TTN: variants seen among roughly 807,000 people sequenced by gnomAD.
TTN encodes the protein connectin.
Under a neutral mutation model 3,223.0 loss-of-function variants are expected in TTN, and 1,525 were observed. The observed-to-expected ratio is 0.47, with a 90% confidence interval of 0.45 to 0.49. The LOEUF is 0.49. Among genes scored for constraint, TTN ranks in the 20% least tolerant of loss-of-function variants. The pLI is 0.00. For missense variants in TTN, 40,786 were observed against 43,424.0 expected, an observed-to-expected ratio of 0.94 and a Z score of 5.40; for synonymous variants, 14,094 against 15,161.0, an observed-to-expected ratio of 0.93 and a Z score of 5.17.
At chr2:178,707,468 C>A in intron 100 of TTN, 58 bp downstream of exon 100, 3 of 1,492,666 alleles carry the variant, frequency 2.0e-6, no homozygotes, top group East Asian at 2.3e-5. Flanking sequence ...TCATAATAAG[C>A]AAATAAACAT....
chr2:178,576,534 G>GCAT lies in TTN; in HGVS notation c.69707_69709dup (p.Asp23236dup). 1.9e-6 allele frequency: 3 copies of GCAT among 1,612,636 alleles called. No homozygotes were observed. In the East Asian group the frequency reaches 6.7e-5, roughly 36 times the overall value. ...TGAAAAAGACAAATACTAACATGCT[G>GCAT]CATCTTTCATCAGAACAGAATCTGA... On this transcript the variant is annotated inframe_insertion, in exon 325 of 363. Coordinates refer to ENST00000589042, the MANE Select transcript of TTN (RefSeq NM_001267550.2). This position sits in a 1 kb window ranked among gnomAD's most constrained non-coding sequence, Gnocchi z 4.3.
At chr2:178,749,225 T>C (rs1346255240) in intron 47 of TTN, 1 of 1,611,602 alleles carries the variant, frequency 6.2e-7, no homozygotes, top group South Asian at 1.1e-5. Flanking sequence ...TATTTCTTTC[T>C]TAATAGTGAC....
Position 178,589,937 on chromosome 2 carries a change from A to G in TTN, c.61788T>C (p.Asn20596=), listed in dbSNP as rs878912832. The part of the protein sequence containing the change: ...CTISWENPLD[N]GGSEITNFIV... ...TGAAGTTTGTTATTTCTGAGCCACC[A>G]TTATCTAGTGGGTTTTCCCAAGAAA... Residue 20596 remains asparagine, a synonymous_variant, in exon 304 of 363, where the codon AAT becomes AAC. Coordinates refer to ENST00000589042, the MANE Select transcript of TTN (RefSeq NM_001267550.2). 7 of 1,613,034 alleles carry G rather than the reference A, an allele frequency of 4.3e-6. No homozygotes were observed. Among genetic ancestry groups the G allele is most frequent in the Non-Finnish European group, 5.9e-6 (7 of 1,179,510 alleles).
chr2:178,532,039 C>A lies in TTN; in HGVS notation c.104576G>T (p.Arg34859Leu). ...ELMRPVSELI[R>L]SRPQPAEEYE... The stretch of plus-strand genomic sequence containing the variant: ...TTCCTCAGCCGGTTGTGGACGTGAC[C>A]GGATCAGCTCAGACACTGGCCTCAT... Residue 34859 changes from arginine (R) to leucine (L), a missense_variant, in exon 358 of 363, where the codon CGG becomes CTG. By Grantham distance (102) the Arg-to-Leu change is moderately radical (BLOSUM62 -2). Coordinates refer to ENST00000589042, the MANE Select transcript of TTN (RefSeq NM_001267550.2). The A allele has an allele frequency of 1.9e-6, 3 of 1,613,820 alleles. No individual in the cohort carries two copies. The highest frequency in any genetic ancestry group is 2.5e-6 in the Non-Finnish European group (3 of 1,179,852).
chr2:178,744,003 T>C (rs2154321504), intron 47 of TTN, among the ~76,000 whole-genome samples: 1 of 152,024 alleles, frequency 6.6e-6, no homozygotes, highest in Non-Finnish European at 1.5e-5. Context: ...ATTGTCTCTA[T>C]TGCTTCTTTA....
At position 178,715,856 on chromosome 2, in the gene TTN, T is replaced by C. The variant is rs2562834; in HGVS notation, c.25640-82A>G. 0.2 allele frequency: 275,477 copies of C among 1,388,512 alleles called. 31,957 individuals are homozygous for C. The highest frequency in any genetic ancestry group is 0.63 in the East Asian group (25,226 of 39,910). 86.0% of individuals were successfully genotyped at this position (1,388,512 alleles called of 1,614,324 possible). A position where few individuals can be genotyped will look rare whatever the true frequency, so the allele number is the denominator to read the frequency against. ...AAGATGAGGTGGAAAAAATAATCTT[T>C]GCTAGAGAGGTCTTTAGCTCTGGAA... On this transcript the variant is annotated intron_variant, in intron 88 of 362. Transcript: ENST00000589042.
In TTN at chr2:178,537,701, C is replaced by G. The variant is rs1692241113; in HGVS notation, c.99506G>C (p.Gly33169Ala). The G allele has an allele frequency of 1.2e-6, 2 of 1,613,670 alleles. No homozygotes were observed. The highest frequency in any genetic ancestry group is 1.7e-6 in the Non-Finnish European group (2 of 1,179,778). The change falls in exon 355 of 363, where the codon GGT (glycine) becomes GCT (alanine). Residue 33169 changes from glycine (G) to alanine (A), a missense_variant. Coordinates refer to ENST00000589042, the MANE Select transcript of TTN (RefSeq NM_001267550.2). ...TVMTEEQEDE[G>A]VYTCIATNEV... ...ATTGGTGGCTATGCAGGTATAAACA[C>G]CTTCATCTTCCTGTTCCTCTGTCAT...
At chr2:178,750,276 T>G (rs1169612473) in intron 47 of TTN, 1 of 1,613,236 alleles carries the variant, frequency 6.2e-7, no homozygotes, top group Non-Finnish European at 8.5e-7. Flanking sequence ...TTATGTGCTT[T>G]GACATCATGT....
intron 157 of TTN, among the ~76,000 whole-genome samples, 172 bp from the exon 158 acceptor site, chr2:178,669,847 C>A (rs1055900024): frequency 4.6e-5 from 7 of 151,974 alleles, no homozygotes; most frequent in East Asian, 1.9e-4. Flanking sequence ...TCGATGAGTT[C>A]TTGATTCATT....
At position 178,580,378 on chromosome 2, in the gene TTN, A is replaced by G. The variant is rs758106978; in HGVS notation, c.67001T>C (p.Leu22334Ser). The change falls in exon 317 of 363, where the codon TTA becomes TCA. Residue 22334 changes from leucine (L) to serine (S), a missense_variant. Transcript: ENST00000589042. Reference sequence around the variant, plus strand: ...TTTACCACAGCTGTTCTCCAGGGTTAAGATATATTTTCCTGCATCATATTT... The same window carrying G: ...TTTACCACAGCTGTTCTCCAGGGTTGAGATATATTTTCCTGCATCATATTT... The part of the protein sequence containing the change: ...VNKYDAGKYI[L>S]TLENSCGKKE... 3.7e-6 allele frequency: 6 copies of G among 1,613,144 alleles called. No homozygotes were observed. In the East Asian group the frequency reaches 1.3e-4, roughly 36 times the overall value.
chr2:178,551,346 T>A, intron 335 of TTN, 86 bp from the exon 336 acceptor site: 3 of 1,030,558 alleles, frequency 2.9e-6, no homozygotes, highest in Non-Finnish European at 3.8e-6. Context: ...AATTATTCTA[T>A]AATTTTAATA....
In TTN at chr2:178,533,745, T is replaced by C. The variant is rs1575269533; in HGVS notation, c.102870A>G (p.Thr34290=). The change falls in exon 358 of 363, where the codon ACA becomes ACG. Residue 34290 remains threonine, a synonymous_variant. Transcript: ENST00000589042. ...TGATTTTCTGACCTGATTTATACCATGTTACATGAGGCTCTGGGTGGACAG... is the reference window on the plus strand; with the variant it reads ...TGATTTTCTGACCTGATTTATACCACGTTACATGAGGCTCTGGGTGGACAG... ...TITVHPEPHV[T]WYKSGQKIKP... 6.2e-7 allele frequency: 1 copy of C among 1,613,972 alleles called. No individual in the cohort carries two copies. Among genetic ancestry groups the C allele is most frequent in the Middle Eastern group, 1.6e-4 (1 of 6,062 alleles).
chr2:178,568,050 C>A lies in TTN; in HGVS notation c.78082G>T (p.Glu26028Ter). The change falls in exon 326 of 363, where the codon GAG (glutamate) becomes TAG (stop). Residue 26028 changes from glutamate (E) to a stop codon, truncating the protein, a stop_gained. Transcript: ENST00000589042. LOFTEE classifies it high-confidence loss of function. ...AAAATACTGTTTCTTTCTTTTCTCTCCAGGTGGTAACCTATGACGGGGCTT... is the reference window on the plus strand; with the variant it reads ...AAAATACTGTTTCTTTCTTTTCTCTACAGGTGGTAACCTATGACGGGGCTT... The part of the protein sequence containing the change: ...GGSPVIGYHL[E>*]RKERNSILWT... The A allele has an allele frequency of 6.2e-7, 1 of 1,613,360 alleles. No homozygotes were observed. Among genetic ancestry groups the A allele is most frequent in the South Asian group, 1.1e-5 (1 of 91,068 alleles).
At chr2:178,668,254 A>G (rs2066322214) in intron 159 of TTN, among the ~76,000 whole-genome samples, 1 of 152,196 alleles carries the variant, frequency 6.6e-6, no homozygotes, top group Non-Finnish European at 1.5e-5. Context: ...AAAATAAGGC[A>G]AATAAAGACA....
Position 178,573,836 on chromosome 2 carries a change from G to A in TTN, c.72296C>T (p.Ala24099Val), listed in dbSNP as rs781721483. Residue 24099 changes from alanine (A) to valine (V), a missense_variant, in exon 326 of 363, where the codon GCC (alanine) becomes GTC (valine). Physicochemically the swap from Ala to Val is moderately conservative, Grantham distance 64. Coordinates refer to ENST00000589042, the MANE Select transcript of TTN (RefSeq NM_001267550.2). ...AGGATTAGTCGCTGTAAGGGTATAG[G>A]CACCACTATCCCTTCTTGTTGAATC... Reference protein sequence around the residue: ...NKDSTRRDSGAYTLTATNPGG... With the variant: ...NKDSTRRDSGVYTLTATNPGG... 9 of 1,612,108 alleles carry A rather than the reference G, an allele frequency of 5.6e-6. No individual in the cohort carries two copies. The Admixed American group carries it at 1.3e-4, about 24-fold the overall frequency.
intron 122 of TTN, 108 bp downstream of exon 122, chr2:178,689,705 C>T (rs1405410321): frequency 9.1e-6 from 13 of 1,436,228 alleles, no homozygotes; most frequent in East Asian, 2.3e-5. Flanking sequence ...CAGTTCTCAC[C>T]ACAAAACATT....
intron 235 of TTN, 47 bp from the exon 236 acceptor site, chr2:178,632,460 G>T (rs2154221382): frequency 6.3e-7 from 1 of 1,583,452 alleles, no homozygotes; most frequent in Non-Finnish European, 8.5e-7. Context: ...GCACTTTAAA[G>T]AAGAAATATA....
At position 178,652,671 on chromosome 2, in the gene TTN, C is replaced by T. The variant is rs750993820; in HGVS notation, c.39025G>A (p.Glu13009Lys). The change falls in exon 201 of 363, where the codon GAA (glutamate) becomes AAA (lysine). Residue 13009 changes from glutamate (E) to lysine (K), a missense_variant. Physicochemically the swap from Glu to Lys is moderately conservative, Grantham distance 56. Transcript: ENST00000589042. The part of the protein sequence containing the change: ...KVPSAPPKKP[E>K]VPPVKVPEAP... ...CAAATACCTTTAACAGGTGGGACTT[C>T]AGGCTTTTTAGGAGGAGCCGAGGGC... The T allele has an allele frequency of 1.2e-6, 2 of 1,613,472 alleles. No individual in the cohort carries two copies. Among genetic ancestry groups the T allele is most frequent in the Non-Finnish European group, 1.7e-6 (2 of 1,179,580 alleles).
chr2:178,546,310 A>G lies in TTN; in HGVS notation c.95021T>C (p.Val31674Ala), dbSNP rs754222897. ...GTCACTTCTGTCACAGAACTTGATC[A>G]CAGCAGTTGCTCGTTTGCCAGTATA... ...LQYTGKRATAVIKFCDRSDSG... is the reference protein window; with the variant it reads ...LQYTGKRATAAIKFCDRSDSG... The change falls in exon 342 of 363, where the codon GTG becomes GCG. Residue 31674 changes from valine (V) to alanine (A), a missense_variant. Physicochemically the swap from Val to Ala is moderately conservative, Grantham distance 64. Transcript: ENST00000589042. 8.7e-6 allele frequency: 14 copies of G among 1,613,764 alleles called. No homozygotes were observed. In the Middle Eastern group the frequency reaches 8.2e-4, roughly 95 times the overall value.
Sources: allele counts gnomAD v4.1 joint callset (sites outside exome capture counted in the v4.1 genomes callset), GRCh38; gene constraint gnomAD v4.1.1; non-coding constraint Gnocchi (gnomAD v3.1); transcripts MANE v1.5; gene names NCBI Gene and HGNC (gene_info 2026-07-23, HGNC 2026-07-21).